Variants in TENT4A observed in about 807,000 individuals in gnomAD.
TENT4A encodes the protein terminal nucleotidyltransferase 4A.
In TENT4A, 7 loss-of-function variants were observed where a neutral mutation model predicts 72.8. That is an observed-to-expected ratio of 0.10 (90% CI 0.05 to 0.18). The LOEUF is 0.18. Ranked by LOEUF, TENT4A falls within the 10% of genes least tolerant of loss-of-function variation. TENT4A has a pLI of 1.00. For missense variants in TENT4A, 831 were observed against 1,017.7 expected, an observed-to-expected ratio of 0.82 and a Z score of 2.50; for synonymous variants, 456 against 434.3, an observed-to-expected ratio of 1.05 and a Z score of -0.62.
intron 3 of TENT4A, among the ~76,000 whole-genome samples, chr5:6,739,294 T>C (rs1251342943): frequency 2.0e-5 from 3 of 152,174 alleles, no homozygotes; most frequent in African/African-American, 7.2e-5. Context: ...GGCTATAATC[T>C]CAGGATTTGG....
intron 8 of TENT4A, among the ~76,000 whole-genome samples, chr5:6,748,892 C>T (rs1475857447): frequency 3.9e-5 from 6 of 152,144 alleles, no homozygotes; most frequent in African/African-American, 7.2e-5. Context: ...CTTATGTACA[C>T]TCGTCCCTTG....
chr5:6,721,188 AAG>A (rs1368857882), intron 1 of TENT4A, among the ~76,000 whole-genome samples: 3 of 152,124 alleles, frequency 2.0e-5, no homozygotes, highest in Admixed American at 2.0e-4. Context: ...GCCACTAAGT[AAG>A]TATCTCCCAA....
chr5:6,748,645 T>A (rs976626343), intron 8 of TENT4A, 55 bp downstream of exon 8: 2 of 1,555,076 alleles, frequency 1.3e-6, no homozygotes, highest in South Asian at 2.3e-5. Flanking sequence ...ATGGTACTTA[T>A]CCCTTTCCTG....
In TENT4A at chr5:6,756,248, C is replaced by A. The variant is rs1231863881; in HGVS notation, c.*1303C>A. The stretch of plus-strand genomic sequence containing the variant: ...ACTGTCTTTGTTACCTTTTTTTGAA[C>A]AAGAATATATCCATCCTGCCTAACC... On this transcript the variant is annotated 3_prime_UTR_variant, in exon 13 of 13. Coordinates refer to ENST00000230859, the MANE Select transcript of TENT4A (RefSeq NM_006999.6). The A allele has an allele frequency of 6.6e-6, 1 of 152,536 alleles. No individual in the cohort carries two copies. Among genetic ancestry groups the A allele is most frequent in the Non-Finnish European group, 1.5e-5 (1 of 68,024 alleles). The allele number at this position is 152,536 out of a possible 1,614,324, so 9.4% of individuals were successfully genotyped here. A position where few individuals can be genotyped will look rare whatever the true frequency, so the allele number is the denominator to read the frequency against.
chr5:6,737,569 C>A lies in TENT4A; in HGVS notation c.776C>A (p.Ala259Asp), dbSNP rs1010085675. 6.2e-7 allele frequency: 1 copy of A among 1,613,798 alleles called. No individual in the cohort carries two copies. Among genetic ancestry groups the A allele is most frequent in the Non-Finnish European group, 8.5e-7 (1 of 1,179,856 alleles). The change falls in exon 2 of 13, where the codon GCT becomes GAT. Residue 259 changes from alanine (A) to aspartate (D), a missense_variant. This residue lies in a region of TENT4A where 197 missense variants were observed against 399.6 expected (regional missense o/e 0.49). Transcript: ENST00000230859. ...ATGTCCCCTTGTCCTGAAGAAGCAG[C>A]TATGAGAAGAGAGGTGGTGAAACGG... ...NFMSPCPEEA[A>D]MRREVVKRIE... is the part of the protein sequence containing the mutation.
chr5:6,717,086 C>T (rs1740424698), intron 1 of TENT4A, among the ~76,000 whole-genome samples: 1 of 152,210 alleles, frequency 6.6e-6, no homozygotes, highest in African/African-American at 2.4e-5. Flanking sequence ...AAGGTCCCCC[C>T]TGTGATCATT....
intron 1 of TENT4A, among the ~76,000 whole-genome samples, chr5:6,721,105 C>T (rs962398576): frequency 2.0e-5 from 3 of 152,184 alleles, no homozygotes; most frequent in African/African-American, 7.2e-5. Flanking sequence ...GTTGATCCCA[C>T]TGCCCTCCTG....
chr5:6,750,017 G>A (rs547527912), intron 9 of TENT4A, among the ~76,000 whole-genome samples: 1 of 152,174 alleles, frequency 6.6e-6, no homozygotes, highest in South Asian at 2.1e-4. Flanking sequence ...AATCCGGTGT[G>A]TATTTATTCG....
At chr5:6,752,473 G>A (rs1384125039) in intron 11 of TENT4A, among the ~76,000 whole-genome samples, 1 of 152,264 alleles carries the variant, frequency 6.6e-6, no homozygotes, top group African/African-American at 2.4e-5. Context: ...CAGCAGGCAA[G>A]GAAGGAACTG....
intron 7 of TENT4A, among the ~76,000 whole-genome samples, chr5:6,747,125 T>C (rs2290617): frequency 0.19 from 28,729 of 152,246 alleles, 2,929 homozygotes; most frequent in Non-Finnish European, 0.23. Flanking sequence ...CACATTGCTA[T>C]TTATGAATTC....
chr5:6,714,578 C>G lies in TENT4A; in HGVS notation c.595C>G (p.Leu199Val), dbSNP rs1232082498. Reference protein sequence around the residue: ...KRENKASTYGLNYLLSGSRAA... With the variant: ...KRENKASTYGVNYLLSGSRAA... ...CGAGAACAAGGCCAGCACCTACGGCCTCAACTACCTGCTGTCCGGCAGCCG... is the reference window on the plus strand; with the variant it reads ...CGAGAACAAGGCCAGCACCTACGGCGTCAACTACCTGCTGTCCGGCAGCCG... Residue 199 changes from leucine (L) to valine (V), a missense_variant, in exon 1 of 13, where the codon CTC (leucine) becomes GTC (valine). Leu to Val is a conservative substitution (Grantham distance 32). Transcript: ENST00000230859. 2 of 1,198,938 alleles carry G rather than the reference C, an allele frequency of 1.7e-6. No individual in the cohort carries two copies. Among genetic ancestry groups the G allele is most frequent in the East Asian group, 3.5e-5 (1 of 28,876 alleles). The allele number at this position is 1,198,938 out of a possible 1,614,324, so 74.3% of individuals were successfully genotyped here. A position where few individuals can be genotyped will look rare whatever the true frequency, so the allele number is the denominator to read the frequency against.
At chr5:6,727,048 T>C (rs1379141307) in intron 1 of TENT4A, among the ~76,000 whole-genome samples, 3 of 152,092 alleles carry the variant, frequency 2.0e-5, no homozygotes, top group Non-Finnish European at 4.4e-5. Flanking sequence ...CAGTTGCTTC[T>C]TCGCTCTTGT....
rs980610075 is a variant in TENT4A, at chr5:6,752,776, A to G, written c.2020-97A>G. 24 of 1,049,442 alleles carry G rather than the reference A, an allele frequency of 2.3e-5. No individual in the cohort carries two copies. In the East Asian group the frequency reaches 5.0e-4, roughly 22 times the overall value. 65.0% of individuals were successfully genotyped at this position (1,049,442 alleles called of 1,614,324 possible). ...TATGGAGCCCACATGCAACTGTGCC[A>G]TTTATCAGCTGCCCTTTGGTGGTGC... is the stretch of plus-strand genomic sequence containing the variant. On this transcript the variant is annotated intron_variant, in intron 11 of 12. Transcript: ENST00000230859.
intron 1 of TENT4A, among the ~76,000 whole-genome samples, chr5:6,715,453 G>A (rs906840887): frequency 1.3e-5 from 2 of 152,206 alleles, no homozygotes; most frequent in African/African-American, 4.8e-5. Flanking sequence ...AGGTGAGGCT[G>A]TTCAGGTGTG....
rs994119820 is a variant in TENT4A at position 6,742,553 on chromosome 5, G to C, written c.1072G>C (p.Glu358Gln). 6.2e-7 allele frequency: 1 copy of C among 1,613,658 alleles called. No individual in the cohort carries two copies. The highest frequency in any genetic ancestry group is 1.3e-5 in the African/African-American group (1 of 75,038). Residue 358 changes from glutamate (E) to glutamine (Q), a missense_variant, in exon 5 of 13, where the codon GAG becomes CAG. Coordinates refer to ENST00000230859, the MANE Select transcript of TENT4A (RefSeq NM_006999.6). ...EVKVDISFNM[E>Q]TGVRAAEFIK... Reference sequence around the variant, plus strand: ...GAAAGTTGACATCAGCTTTAACATGGAGACGGGCGTCCGGGCAGCGGAGTT... The same window carrying C: ...GAAAGTTGACATCAGCTTTAACATGCAGACGGGCGTCCGGGCAGCGGAGTT...
Position 6,713,900 on chromosome 5 carries a change from C to T in TENT4A, c.-84C>T, listed in dbSNP as rs933766463. On this transcript the variant is annotated 5_prime_UTR_variant, in exon 1 of 13. Transcript: ENST00000230859. The stretch of plus-strand genomic sequence containing the variant: ...CCAGGCCCGTCCGTCCGTCCGTGCG[C>T]GCGCGGCCGGGCCTCGGGGCGCGGC... 2.1e-5 allele frequency: 9 copies of T among 426,460 alleles called. No homozygotes were observed. The highest frequency in any genetic ancestry group is 1.3e-4 in the African/African-American group (6 of 45,818). 26.4% of individuals were successfully genotyped at this position (426,460 alleles called of 1,614,324 possible).
chr5:6,747,033 C>G (rs28381397), intron 7 of TENT4A, among the ~76,000 whole-genome samples: 1 of 152,190 alleles, frequency 6.6e-6, no homozygotes, highest in African/African-American at 2.4e-5. Context: ...TGGTGACAGT[C>G]TTTTAAAATC....
At chr5:6,724,869 T>C (rs576040167) in intron 1 of TENT4A, among the ~76,000 whole-genome samples, 25 of 152,276 alleles carry the variant, frequency 1.6e-4, no homozygotes, top group African/African-American at 6.0e-4. Flanking sequence ...CCTGCCACCC[T>C]CCTGGGAGAG....
intron 1 of TENT4A, among the ~76,000 whole-genome samples, chr5:6,727,053 T>A (rs887942896): frequency 2.0e-5 from 3 of 152,018 alleles, no homozygotes; most frequent in Non-Finnish European, 4.4e-5. Flanking sequence ...GCTTCTTCGC[T>A]CTTGTTCCAC....
Sources: allele counts gnomAD v4.1 joint callset (sites outside exome capture counted in the v4.1 genomes callset), GRCh38; gene constraint gnomAD v4.1.1; regional missense constraint gnomAD v4.1.1; transcripts MANE v1.5; gene names NCBI Gene and HGNC (gene_info 2026-07-23, HGNC 2026-07-21).